TAF3: variants seen among roughly 807,000 people sequenced by gnomAD.
The protein encoded by TAF3 is TATA-box binding protein associated factor 3, also known as transcription initiation factor TFIID subunit 3.
In TAF3, 7 loss-of-function variants were observed where a neutral mutation model predicts 80.6. That is an observed-to-expected ratio of 0.09 (90% CI 0.05 to 0.16). The LOEUF (loss-of-function observed/expected upper bound fraction) is 0.16. Ranked by LOEUF, TAF3 falls within the 10% of genes least tolerant of loss-of-function variation. TAF3 has a pLI of 1.00. For synonymous variants in TAF3, 444 were observed against 446.1 expected (o/e 1.00, Z 0.06); for missense variants, 921 against 1,140.2 (o/e 0.81, Z 2.77).
chr10:7,925,387 A>G (rs1837804866), intron 2 of TAF3, among the ~76,000 whole-genome samples: 1 of 152,246 alleles, frequency 6.6e-6, no homozygotes, highest in African/African-American at 2.4e-5. Flanking sequence ...AAGTAAATGC[A>G]TGTGAATATG....
intron 2 of TAF3, among the ~76,000 whole-genome samples, chr10:7,850,696 T>C (rs1182444606): frequency 6.6e-6 from 1 of 151,306 alleles, no homozygotes; most frequent in Non-Finnish European, 1.5e-5. Context: ...AATATATATG[T>C]ATATATATAT....
chr10:7,994,809 C>CAAAAAAAAAAAAAAAAAAAAA (rs34669002), intron 4 of TAF3, among the ~76,000 whole-genome samples: 2 of 124,356 alleles, frequency 1.6e-5, no homozygotes, highest in African/African-American at 3.1e-5. Flanking sequence ...CTAAAAATAC[C>CAAAAAAAAAAAAAAAAAAAAA]AAAAAAAAAA....
rs1020682388 is a variant in TAF3, at chr10:7,863,704, T to C, written c.409+39144T>C. ...ATATATACACACACATATATATATA[T>C]ACACATATATATATACACATATATA... On this transcript the variant is annotated intron_variant, in intron 2 of 6. Coordinates refer to ENST00000344293, the MANE Select transcript of TAF3 (RefSeq NM_031923.4). 1.4e-3 allele frequency among the ~76,000 whole-genome samples: 75 copies of C among 52,932 alleles called. 2 individuals are homozygous for C. The highest frequency in any genetic ancestry group is 2.7e-3 in the South Asian group (2 of 738). 34.7% of individuals were successfully genotyped at this position (52,932 alleles called of 152,430 possible). A position where few individuals can be genotyped will look rare whatever the true frequency, so the allele number is the denominator to read the frequency against.
chr10:7,828,377 C>A (rs1301782123), intron 2 of TAF3, among the ~76,000 whole-genome samples: 1 of 152,178 alleles, frequency 6.6e-6, no homozygotes, highest in Non-Finnish European at 1.5e-5. Flanking sequence ...GTGAAGATGA[C>A]AGATGAGGAG....
At chr10:7,974,133 TACACACAC>T (rs56363651) in intron 3 of TAF3, among the ~76,000 whole-genome samples, 40,000 of 145,202 alleles carry the variant, frequency 0.28, 5,554 homozygotes, top group Non-Finnish European at 0.33. Flanking sequence ...TTCTGAAACA[TACACACAC>T]ACACACACAC....
At chr10:7,871,044 TAAC>T (rs1837260459) in intron 2 of TAF3, among the ~76,000 whole-genome samples, 2 of 152,170 alleles carry the variant, frequency 1.3e-5, no homozygotes, top group Admixed American at 1.3e-4. Flanking sequence ...AGTCTAGACA[TAAC>T]AGTTTATTTT....
chr10:8,014,835 G>T lies in TAF3; in HGVS notation c.*84G>T. ...GGAAGGGAGCTGGTGCAAGTCTGCC[G>T]TCACATCCACCCCCAGATGCCTGTG... On this transcript the variant is annotated 3_prime_UTR_variant, in exon 7 of 7. Coordinates refer to ENST00000344293, the MANE Select transcript of TAF3 (RefSeq NM_031923.4). 1 of 1,197,840 alleles carries T rather than the reference G, an allele frequency of 8.3e-7. No individual in the cohort carries two copies. 74.2% of individuals were successfully genotyped at this position (1,197,840 alleles called of 1,614,324 possible).
At chr10:7,898,175 T>C (rs1345430464) in intron 2 of TAF3, among the ~76,000 whole-genome samples, 1 of 152,194 alleles carries the variant, frequency 6.6e-6, no homozygotes, top group Non-Finnish European at 1.5e-5. Flanking sequence ...ACAGTAATAA[T>C]TCATTTTTTA....
chr10:7,859,178 G>T (rs939107741), intron 2 of TAF3, among the ~76,000 whole-genome samples: 1 of 151,868 alleles, frequency 6.6e-6, no homozygotes, highest in Admixed American at 6.6e-5. Flanking sequence ...GGAGAATGGC[G>T]TGAACCCAGG....
rs115913299 is a variant in TAF3, at chr10:7,847,197, A to G, written c.409+22637A>G. 5.2e-3 allele frequency among the ~76,000 whole-genome samples: 797 copies of G among 152,326 alleles called. 9 individuals are homozygous for G. The highest frequency in any genetic ancestry group is 0.018 in the African/African-American group (749 of 41,564). ...GGTCTTCAGATTACAACATCCTAGA[A>G]GAATTATAAGAAAATTCCTCTAGGA... On this transcript the variant is annotated intron_variant, in intron 2 of 6. Coordinates refer to ENST00000344293, the MANE Select transcript of TAF3 (RefSeq NM_031923.4).
At chr10:7,834,103 G>GC (rs1370003811) in intron 2 of TAF3, 3 of 167,064 alleles carry the variant, frequency 1.8e-5, no homozygotes, top group Admixed American at 6.4e-5. Context: ...TTGGGCGTGA[G>GC]CCCCTTGTCA....
intron 4 of TAF3, among the ~76,000 whole-genome samples, chr10:7,990,223 A>C (rs1262754510): frequency 6.6e-6 from 1 of 152,214 alleles, no homozygotes; most frequent in Non-Finnish European, 1.5e-5. Context: ...GAACCTTGAG[A>C]GTCGCTAATG....
At chr10:7,978,481 C>T (rs1376856244) in intron 4 of TAF3, among the ~76,000 whole-genome samples, 1 of 152,148 alleles carries the variant, frequency 6.6e-6, no homozygotes, top group Admixed American at 6.5e-5. Context: ...CTGTTTTTCT[C>T]ACCTAAATTC....
At chr10:7,994,551 G>C (rs746165727) in intron 4 of TAF3, among the ~76,000 whole-genome samples, 30 of 152,164 alleles carry the variant, frequency 2.0e-4, no homozygotes, top group Non-Finnish European at 2.8e-4. Flanking sequence ...GTCTCACTGT[G>C]TTGCCCAGGC....
chr10:8,004,269 C>T (rs1164306408), intron 4 of TAF3, among the ~76,000 whole-genome samples: 1 of 151,986 alleles, frequency 6.6e-6, no homozygotes, highest in East Asian at 1.9e-4. Context: ...CATGGTGAAT[C>T]ACTCCTGGCC....
At chr10:7,886,476 C>G (rs1423422685) in intron 2 of TAF3, among the ~76,000 whole-genome samples, 1 of 151,916 alleles carries the variant, frequency 6.6e-6, no homozygotes, top group Admixed American at 6.6e-5. Flanking sequence ...ATATAATAAC[C>G]AAAGAAAAGT....
At chr10:7,992,984 C>T (rs1023919844) in intron 4 of TAF3, among the ~76,000 whole-genome samples, 2 of 152,138 alleles carry the variant, frequency 1.3e-5, no homozygotes, top group Non-Finnish European at 2.9e-5. Context: ...CTCATATAAT[C>T]ACAACGTTAT....
intron 2 of TAF3, among the ~76,000 whole-genome samples, chr10:7,898,380 CTACAAAAA>C (rs769852104): frequency 1.3e-5 from 2 of 151,920 alleles, no homozygotes; most frequent in Admixed American, 6.6e-5. Context: ...AACCCCGTCT[CTACAAAAA>C]TACAAAAATT....
chr10:7,936,182 G>A (rs778787627), intron 2 of TAF3, among the ~76,000 whole-genome samples: 3 of 152,192 alleles, frequency 2.0e-5, no homozygotes, highest in African/African-American at 4.8e-5. Context: ...AGCTGTGTGC[G>A]CGTTGCTTTC....
Sources: gnomAD v4.1 joint callset for allele counts (sites outside exome capture counted in the v4.1 genomes callset) on GRCh38, gnomAD v4.1.1 for gene constraint, MANE v1.5 for transcripts, NCBI Gene and HGNC (gene_info 2026-07-23, HGNC 2026-07-21) for gene names.